Variants in PLD5 observed in about 807,000 individuals in gnomAD.
The protein encoded by PLD5 is phospholipase D family member 5, also known as inactive phospholipase D5.
PLD5 carries 36 observed loss-of-function variants against 61.1 expected under a neutral mutation model. The ratio of observed to expected loss-of-function variants is 0.59; its 90% CI spans 0.45 to 0.78. The LOEUF (loss-of-function observed/expected upper bound fraction) is 0.78, where lower values mean the gene tolerates loss of function less well. Ranked by LOEUF, PLD5 falls within the 30% of genes least tolerant of loss-of-function variation. PLD5 has a pLI of 0.00. For missense variants in PLD5, 515 were observed against 644.4 expected (o/e 0.80, Z 2.17); for synonymous variants, 243 against 242.8 (o/e 1.00, Z -0.01).
rs185992363 is a variant in PLD5 at position 242,237,822 on chromosome 1, C to T, written c.608-17707G>A. On this transcript the variant is annotated intron_variant, in intron 4 of 9. Transcript: ENST00000536534. ...ATTTATTAAAACAAAACAAGATTCT[C>T]GTTAAATTTGAATTTCAGATAAATA... 1.7e-3 allele frequency among the ~76,000 whole-genome samples: 262 copies of T among 152,262 alleles called. 2 individuals carry two copies. The highest frequency in any genetic ancestry group is 0.016 in the Admixed American group (247 of 15,300).
Position 242,324,340 on chromosome 1 carries a change from C to T in PLD5, c.326+23766G>A, listed in dbSNP as rs113567151. Among the ~76,000 whole-genome samples, 873 of 152,242 alleles carry T rather than the reference C, an allele frequency of 5.7e-3. 6 individuals carry two copies. Among genetic ancestry groups the T allele is most frequent in the African/African-American group, 0.02 (820 of 41,528 alleles). On this transcript the variant is annotated intron_variant, in intron 2 of 9. Transcript: ENST00000536534. ...ATTTCCATTAAAAAACGAATTTGCA[C>T]GCTAAGCAAAAGTGATTTCAATTAC...
chr1:242,202,581 A>C (rs1012448103), intron 5 of PLD5, among the ~76,000 whole-genome samples: 2 of 152,156 alleles, frequency 1.3e-5, no homozygotes, highest in African/African-American at 4.8e-5. Flanking sequence ...GAGAGGCTGG[A>C]TGGCTGTCCA....
At chr1:242,482,069 C>G (rs1408001349) in intron 1 of PLD5, among the ~76,000 whole-genome samples, 1 of 152,196 alleles carries the variant, frequency 6.6e-6, no homozygotes, top group Admixed American at 6.5e-5. Context: ...ATGTCACCAT[C>G]ATCAAAGACC....
rs371234239 is a variant in PLD5 at position 242,493,820 on chromosome 1, A to C, written c.189+30268T>G. 1.6e-3 allele frequency among the ~76,000 whole-genome samples: 241 copies of C among 152,286 alleles called. 2 individuals are homozygous for C. The highest frequency in any genetic ancestry group is 5.5e-3 in the African/African-American group (228 of 41,574). On this transcript the variant is annotated intron_variant, in intron 1 of 9. Coordinates refer to ENST00000536534, the MANE Select transcript of PLD5 (RefSeq NM_001372062.1). ...TCCCACAAGCAGTGCTCCAGCAGAG[A>C]GGAACCCATAACATGAAGGACTGGA... is the stretch of plus-strand genomic sequence containing the variant.
chr1:242,224,330 T>G (rs796876764), intron 4 of PLD5, among the ~76,000 whole-genome samples: 2 of 152,182 alleles, frequency 1.3e-5, no homozygotes, highest in South Asian at 4.1e-4. Context: ...TAATTTCTAC[T>G]TCTAAAATAA....
intron 1 of PLD5, among the ~76,000 whole-genome samples, chr1:242,379,990 T>C (rs1184487760): frequency 1.3e-5 from 2 of 152,204 alleles, no homozygotes; most frequent in African/African-American, 4.8e-5. Flanking sequence ...CTTCATTTAT[T>C]ATCTGTGGCT....
At chr1:242,420,111 A>G (rs1187235564) in intron 1 of PLD5, among the ~76,000 whole-genome samples, 1 of 152,174 alleles carries the variant, frequency 6.6e-6, no homozygotes, top group Non-Finnish European at 1.5e-5. Context: ...ACCATCTCCT[A>G]TGGAGCACTT....
intron 4 of PLD5, among the ~76,000 whole-genome samples, chr1:242,230,374 C>T (rs143843539): frequency 1.3e-4 from 20 of 152,264 alleles, no homozygotes; most frequent in African/African-American, 4.1e-4. Context: ...AAACATAACA[C>T]TATGAATAAT....
chr1:242,328,815 G>A (rs1208264886), intron 2 of PLD5, among the ~76,000 whole-genome samples: 1 of 152,098 alleles, frequency 6.6e-6, no homozygotes, highest in Non-Finnish European at 1.5e-5. Flanking sequence ...AGCTACCATG[G>A]CCAAAGAGCC....
At chr1:242,439,693 G>A (rs1366215747) in intron 1 of PLD5, among the ~76,000 whole-genome samples, 3 of 152,164 alleles carry the variant, frequency 2.0e-5, no homozygotes, top group South Asian at 2.1e-4. Context: ...AGCACACTAC[G>A]GACTGCAGGT....
At chr1:242,515,180 A>G (rs1669063504) in intron 1 of PLD5, among the ~76,000 whole-genome samples, 1 of 151,768 alleles carries the variant, frequency 6.6e-6, no homozygotes, top group African/African-American at 2.4e-5. Flanking sequence ...TCCATGCTTC[A>G]GCTTTGCCTT....
In PLD5 at chr1:242,238,159, T is replaced by C. The variant is rs77922040; in HGVS notation, c.608-18044A>G. ...CAGAAAGAAACAGAGAAGAGGGTGG[T>C]GAAGAACTTTGTGAGGTAATTTGCA... is the stretch of plus-strand genomic sequence containing the variant. On this transcript the variant is annotated intron_variant, in intron 4 of 9. Coordinates refer to ENST00000536534, the MANE Select transcript of PLD5 (RefSeq NM_001372062.1). 6.7e-3 allele frequency among the ~76,000 whole-genome samples: 1,025 copies of C among 152,266 alleles called. 17 individuals are homozygous for C. Among genetic ancestry groups the C allele is most frequent in the African/African-American group, 0.024 (987 of 41,536 alleles).
At chr1:242,464,237 C>T (rs1300385074) in intron 1 of PLD5, among the ~76,000 whole-genome samples, 1 of 152,070 alleles carries the variant, frequency 6.6e-6, no homozygotes, top group Non-Finnish European at 1.5e-5. Flanking sequence ...TTTATTGTCC[C>T]CTAGTCCCAA....
At chr1:242,155,819 A>G (rs1275862298) in intron 5 of PLD5, among the ~76,000 whole-genome samples, 1 of 152,138 alleles carries the variant, frequency 6.6e-6, no homozygotes, top group African/African-American at 2.4e-5. Context: ...AGAAGCATGT[A>G]TATTCTGTTG....
At chr1:242,470,305 G>A (rs1667406326) in intron 1 of PLD5, among the ~76,000 whole-genome samples, 2 of 150,712 alleles carry the variant, frequency 1.3e-5, no homozygotes. Flanking sequence ...TCGCACCACT[G>A]CACTCCAGCT....
At chr1:242,233,611 AAAAGAAGCAAGC>A (rs917186102) in intron 4 of PLD5, among the ~76,000 whole-genome samples, 2 of 152,152 alleles carry the variant, frequency 1.3e-5, no homozygotes, top group Non-Finnish European at 2.9e-5. Context: ...ATGCAGGCAG[AAAAGAAGCAAGC>A]AAGGAAGCAA....
At chr1:242,248,003 C>G (rs149166807) in intron 4 of PLD5, among the ~76,000 whole-genome samples, 16 of 152,260 alleles carry the variant, frequency 1.1e-4, no homozygotes, top group Non-Finnish European at 1.5e-4. Context: ...CAAATCACAC[C>G]GTGACTCGTA....
intron 1 of PLD5, among the ~76,000 whole-genome samples, chr1:242,415,378 A>T (rs889555682): frequency 2.6e-5 from 4 of 152,206 alleles, no homozygotes; most frequent in African/African-American, 9.7e-5. Context: ...ATTACGGAAC[A>T]TTCATAGAGA....
intron 5 of PLD5, among the ~76,000 whole-genome samples, chr1:242,146,811 T>C (rs1217840376): frequency 6.6e-6 from 1 of 152,214 alleles, no homozygotes; most frequent in African/African-American, 2.4e-5. Flanking sequence ...CCTTTTGTCC[T>C]GTTACTGGTT....
Sources: allele counts gnomAD v4.1 joint callset (sites outside exome capture counted in the v4.1 genomes callset), GRCh38; gene constraint gnomAD v4.1.1; transcripts MANE v1.5; gene names NCBI Gene and HGNC (gene_info 2026-07-23, HGNC 2026-07-21).